The following HUNK variants were observed in gnomAD, a reference collection of about 807,000 sequenced individuals.
The protein encoded by HUNK is hormonally up-regulated Neu-associated kinase.
In HUNK, 21 loss-of-function variants were observed where a neutral mutation model predicts 61.0. The observed-to-expected ratio is 0.34, with a 90% CI of 0.24 to 0.50. HUNK has a LOEUF of 0.50. Ranked by LOEUF, HUNK falls within the 20% of genes least tolerant of loss-of-function variation. The pLI is 0.98. For synonymous variants in HUNK, 371 were observed against 386.1 expected (o/e 0.96, Z 0.46); for missense variants, 772 against 945.7 (o/e 0.82, Z 2.41).
rs549330175 is a variant in HUNK, at chr21:31,902,381, A to G, written c.262-22087A>G. Among the ~76,000 whole-genome samples the G allele has an allele frequency of 3.0e-4, 46 of 152,280 alleles. 1 individual carries two copies. In the South Asian group the frequency reaches 4.6e-3, roughly 15 times the overall value. ...CAAAATTAGCCAGGCGTGGTGGCGC[A>G]TGCCTGGAATCCCAGCTACTCAGGA... On this transcript the variant is annotated intron_variant, in intron 1 of 10. Coordinates refer to ENST00000270112, the MANE Select transcript of HUNK (RefSeq NM_014586.2).
At chr21:31,935,301 A>G (rs540829623) in intron 2 of HUNK, among the ~76,000 whole-genome samples, 10 of 152,328 alleles carry the variant, frequency 6.6e-5, no homozygotes, top group Admixed American at 6.5e-5. Context: ...TTGCATAGAA[A>G]CTATGAGAGT....
intron 4 of HUNK, among the ~76,000 whole-genome samples, chr21:31,954,663 G>C (rs1029559489): frequency 2.0e-5 from 3 of 152,218 alleles, no homozygotes; most frequent in Non-Finnish European, 2.9e-5. Flanking sequence ...CATTCTTCCA[G>C]GGCTTTCCAA....
chr21:31,994,423 TAG>T (rs1000210747), intron 9 of HUNK, among the ~76,000 whole-genome samples: 78 of 152,302 alleles, frequency 5.1e-4, no homozygotes, highest in African/African-American at 1.7e-3. Context: ...TGCAAAAGTG[TAG>T]AGAGATATTT....
chr21:31,994,620 A>G (rs558439770), intron 9 of HUNK, among the ~76,000 whole-genome samples: 53 of 152,340 alleles, frequency 3.5e-4, no homozygotes, highest in African/African-American at 1.2e-3. Context: ...GGGCTGGAAA[A>G]AGAACTGCTG....
At chr21:31,960,366 A>G (rs375459310) in intron 5 of HUNK, among the ~76,000 whole-genome samples, 2 of 147,548 alleles carry the variant, frequency 1.4e-5, no homozygotes, top group South Asian at 2.2e-4. Flanking sequence ...GGACAAGGGG[A>G]TAGAGAGTAA....
chr21:31,975,170 GA>G (rs144660804), intron 7 of HUNK, among the ~76,000 whole-genome samples: 2,731 of 152,214 alleles, frequency 0.018, 81 homozygotes, highest in African/African-American at 0.062. Flanking sequence ...CAGAAAATAA[GA>G]ACAAAATTGG....
chr21:31,965,626 G>A lies in HUNK; in HGVS notation c.875-2624G>A, dbSNP rs115466643. ...TTTTTTTTTTTTTAATTTTGAGACG[G>A]ATTCTCTCTCTCTTACCCAGGCTGG... is the stretch of plus-strand genomic sequence containing the variant. On this transcript the variant is annotated intron_variant, in intron 5 of 10. Coordinates refer to ENST00000270112, the MANE Select transcript of HUNK (RefSeq NM_014586.2). Among the ~76,000 whole-genome samples the A allele has an allele frequency of 8.1e-3, 1,161 of 143,574 alleles. 16 individuals carry two copies. Among genetic ancestry groups the A allele is most frequent in the African/African-American group, 0.029 (1,125 of 38,326 alleles). The allele number at this position is 143,574 out of a possible 152,430, so 94.2% of individuals were successfully genotyped here.
At chr21:31,904,433 A>G (rs1414871455) in intron 1 of HUNK, among the ~76,000 whole-genome samples, 4 of 152,234 alleles carry the variant, frequency 2.6e-5, no homozygotes, top group Non-Finnish European at 5.9e-5. Context: ...AAGATAAGCA[A>G]GAAGTAGAGA....
chr21:31,957,053 T>C (rs1388162428), intron 4 of HUNK, among the ~76,000 whole-genome samples: 1 of 152,236 alleles, frequency 6.6e-6, no homozygotes, highest in East Asian at 1.9e-4. Context: ...TGTGGCATGT[T>C]CCCTCTTCAT....
At position 31,994,718 on chromosome 21, in the gene HUNK, ATT is replaced by A. The variant is rs1438571765; in HGVS notation, c.1306-1047_1306-1046del. Among the ~76,000 whole-genome samples the A allele has an allele frequency of 1.1e-4, 17 of 152,374 alleles. No individual in the cohort carries two copies. The East Asian group carries it at 2.9e-3, about 26-fold the overall frequency. ...GTTTCTACCAGCCCTTTTAAAAAAC[ATT>A]TTAATAACTATTTATTAAGCTTTCT... On this transcript the variant is annotated intron_variant, in intron 9 of 10. Transcript: ENST00000270112.
chr21:31,959,871 T>G (rs2052915275), intron 5 of HUNK, among the ~76,000 whole-genome samples: 1 of 152,236 alleles, frequency 6.6e-6, no homozygotes, highest in African/African-American at 2.4e-5. Context: ...GACACGTTCT[T>G]GTATGCAATT....
At chr21:31,929,355 CTGT>C (rs974944553) in intron 2 of HUNK, among the ~76,000 whole-genome samples, 10 of 151,828 alleles carry the variant, frequency 6.6e-5, no homozygotes, top group African/African-American at 2.2e-4. Context: ...GTGTCTAGGG[CTGT>C]TGTTCATTTT....
intron 2 of HUNK, among the ~76,000 whole-genome samples, chr21:31,925,032 G>A (rs972322360): frequency 1.3e-5 from 2 of 152,156 alleles, no homozygotes; most frequent in African/African-American, 4.8e-5. Flanking sequence ...AAGTAGCTGG[G>A]ATTACAGGCA....
intron 1 of HUNK, among the ~76,000 whole-genome samples, chr21:31,892,180 T>TATATATATAGAGAG (rs1457688299): frequency 9.1e-6 from 1 of 109,714 alleles, no homozygotes; most frequent in African/African-American, 3.5e-5. Flanking sequence ...TATATATATA[T>TATATATATAGAGAG]AGAGAGAGAG....
chr21:31,920,329 A>T (rs888474822), intron 1 of HUNK, among the ~76,000 whole-genome samples: 4 of 152,256 alleles, frequency 2.6e-5, no homozygotes, highest in African/African-American at 7.2e-5. Flanking sequence ...TGATCCAGAG[A>T]TTAGGCCATT....
At chr21:31,885,318 C>T (rs186674482) in intron 1 of HUNK, among the ~76,000 whole-genome samples, 2 of 152,324 alleles carry the variant, frequency 1.3e-5, no homozygotes, top group Admixed American at 1.3e-4. Context: ...TCGAGGGGCT[C>T]TGTCTATTTG....
At chr21:31,952,488 A>G (rs1357204996) in intron 4 of HUNK, among the ~76,000 whole-genome samples, 2 of 152,076 alleles carry the variant, frequency 1.3e-5, no homozygotes, top group Non-Finnish European at 2.9e-5. Flanking sequence ...GGCTCTGTCC[A>G]TTGCTTTGTC....
At chr21:31,910,946 C>A (rs577473814) in intron 1 of HUNK, among the ~76,000 whole-genome samples, 2 of 152,172 alleles carry the variant, frequency 1.3e-5, no homozygotes, top group Non-Finnish European at 2.9e-5. Flanking sequence ...ACTTGGCATG[C>A]GGCAAATTCA....
chr21:31,887,753 G>A (rs540453216), intron 1 of HUNK, among the ~76,000 whole-genome samples: 3 of 152,228 alleles, frequency 2.0e-5, no homozygotes, highest in Non-Finnish European at 4.4e-5. Context: ...AACAGTGGAT[G>A]TTGTAACCGC....
Sources: gnomAD v4.1 joint callset for allele counts (sites outside exome capture counted in the v4.1 genomes callset) on GRCh38, gnomAD v4.1.1 for gene constraint, MANE v1.5 for transcripts, NCBI Gene and HGNC (gene_info 2026-07-23, HGNC 2026-07-21) for gene names.